Variants in RAPGEF2 observed in about 807,000 individuals in gnomAD.
RAPGEF2 encodes PDZ domain containing guanine nucleotide exchange factor (GEF) 1.
In RAPGEF2, 54 loss-of-function variants were observed where a neutral mutation model predicts 186.7. That is an observed-to-expected ratio of 0.29 (90% CI 0.23 to 0.36). The LOEUF (loss-of-function observed/expected upper bound fraction) is 0.36. Ranked by LOEUF, RAPGEF2 falls within the 10% of genes least tolerant of loss-of-function variation. RAPGEF2 has a pLI of 1.00. For missense variants in RAPGEF2, 1,532 were observed against 2,045.0 expected, an observed-to-expected ratio of 0.75 and a Z score of 4.84; for synonymous variants, 712 against 705.9, an observed-to-expected ratio of 1.01 and a Z score of -0.14.
intron 1 of RAPGEF2, among the ~76,000 whole-genome samples, chr4:159,166,241 G>A (rs944177203): frequency 2.6e-5 from 4 of 152,080 alleles, no homozygotes; most frequent in Non-Finnish European, 5.9e-5. Flanking sequence ...TTGAACCCAG[G>A]AGGCGGAGGT....
chr4:159,339,388 C>A (rs771683892), intron 19 of RAPGEF2, 34 bp downstream of exon 19: 2 of 1,590,456 alleles, frequency 1.3e-6, no homozygotes, highest in Admixed American at 3.4e-5. Flanking sequence ...ATTTCTTTGT[C>A]CCCTCTTCGA....
intron 1 of RAPGEF2, among the ~76,000 whole-genome samples, chr4:159,149,058 C>G: frequency 6.6e-6 from 1 of 152,022 alleles, no homozygotes; most frequent in East Asian, 1.9e-4. Flanking sequence ...TATATGTTTC[C>G]CAAAATCAAT....
At chr4:159,297,664 C>T (rs533999861) in intron 7 of RAPGEF2, among the ~76,000 whole-genome samples, 28 of 151,520 alleles carry the variant, frequency 1.8e-4, no homozygotes, top group Non-Finnish European at 3.2e-4. Flanking sequence ...AAGTGAACTA[C>T]CATAATGGTA....
intron 1 of RAPGEF2, among the ~76,000 whole-genome samples, chr4:159,124,435 A>G (rs1181087717): frequency 3.9e-5 from 6 of 152,174 alleles, no homozygotes; most frequent in Non-Finnish European, 8.8e-5. Context: ...GCTACTCGGG[A>G]AGCTGAGGCA....
At chr4:159,119,926 G>A (rs1739473306) in intron 1 of RAPGEF2, among the ~76,000 whole-genome samples, 1 of 152,122 alleles carries the variant, frequency 6.6e-6, no homozygotes, top group African/African-American at 2.4e-5. Context: ...TGCTCCAATT[G>A]TATGTACTGA....
At chr4:159,104,523 A>AGAGAGAGAGG (rs1255733124) in intron 1 of RAPGEF2, among the ~76,000 whole-genome samples, 2 of 122,860 alleles carry the variant, frequency 1.6e-5, no homozygotes, top group South Asian at 2.5e-4. Context: ...AGAGAGAGAG[A>AGAGAGAGAGG]GAGGGAGAGA....
At chr4:159,112,957 G>A (rs1219650131) in intron 1 of RAPGEF2, among the ~76,000 whole-genome samples, 1 of 152,144 alleles carries the variant, frequency 6.6e-6, no homozygotes, top group Non-Finnish European at 1.5e-5. Context: ...AACATCATGT[G>A]TCTGCTGATA....
At chr4:159,311,823 A>G (rs1299285532) in intron 8 of RAPGEF2, among the ~76,000 whole-genome samples, 3 of 152,174 alleles carry the variant, frequency 2.0e-5, no homozygotes, top group Non-Finnish European at 4.4e-5. Context: ...AGGTCCCTGA[A>G]AAGTTGTTTA....
At chr4:159,163,803 G>A (rs1744973259) in intron 1 of RAPGEF2, among the ~76,000 whole-genome samples, 4 of 152,018 alleles carry the variant, frequency 2.6e-5, no homozygotes, top group Admixed American at 2.6e-4. Flanking sequence ...AAAGATGAAA[G>A]GATCTGAAAA....
At chr4:159,104,628 C>CCT (rs1457712198) in intron 1 of RAPGEF2, among the ~76,000 whole-genome samples, 1 of 151,800 alleles carries the variant, frequency 6.6e-6, no homozygotes, top group Admixed American at 6.6e-5. Flanking sequence ...CCCTCCGTGG[C>CCT]CTCTGAATCT....
chr4:159,302,584 G>A (rs1762805429), intron 7 of RAPGEF2, among the ~76,000 whole-genome samples: 1 of 152,022 alleles, frequency 6.6e-6, no homozygotes. Context: ...TCACCATTTA[G>A]CTATGTGTAA....
At chr4:159,266,886 T>C (rs1757500849) in intron 7 of RAPGEF2, 1 of 181,442 alleles carries the variant, frequency 5.5e-6, no homozygotes, top group South Asian at 1.3e-4. Flanking sequence ...TCAGTGATAT[T>C]ATTTGGAGTC....
At position 159,355,982 on chromosome 4, in the gene RAPGEF2, A is replaced by G. The variant is rs1731939464; in HGVS notation, c.4781A>G (p.Gln1594Arg). ...CCGCCGGACTACAACGTGGCCCTTCAGAGATCGCGGATGGTCGCACGATCC... is the reference window on the plus strand; with the variant it reads ...CCGCCGGACTACAACGTGGCCCTTCGGAGATCGCGGATGGTCGCACGATCC... ...RKPPDYNVAL[Q>R]RSRMVARSSD... The change falls in exon 29 of 30, where the codon CAG (glutamine) becomes CGG (arginine). Residue 1594 changes from glutamine to arginine, a missense_variant. Physicochemically the swap from Gln to Arg is conservative, Grantham distance 43. Around this residue, in one of 4 missense-constraint regions of RAPGEF2, gnomAD observed 594 missense variants for 608.5 expected, o/e 0.98. Coordinates refer to ENST00000691494, the MANE Select transcript of RAPGEF2 (RefSeq NM_001394067.2). The G allele has an allele frequency of 6.2e-7, 1 of 1,611,628 alleles. No homozygotes were observed.
intron 11 of RAPGEF2, chr4:159,327,899 A>G (rs958060631): frequency 2.7e-5 from 4 of 150,628 alleles, no homozygotes; most frequent in African/African-American, 7.3e-5. Flanking sequence ...CCAGCTTGCT[A>G]TAGAATAAAT....
intron 1 of RAPGEF2, among the ~76,000 whole-genome samples, chr4:159,108,541 C>CT (rs1738151295): frequency 1.3e-5 from 2 of 152,130 alleles, no homozygotes; most frequent in South Asian, 4.1e-4. Context: ...TATTCTAAAG[C>CT]TCAGTTTTGA....
chr4:159,251,883 C>T (rs144729396), intron 7 of RAPGEF2, among the ~76,000 whole-genome samples: 1 of 151,644 alleles, frequency 6.6e-6, no homozygotes, highest in African/African-American at 2.4e-5. Context: ...GTTTCCACAG[C>T]GTGGAGTAAA....
intron 4 of RAPGEF2, among the ~76,000 whole-genome samples, chr4:159,213,177 C>A (rs779910139): frequency 5.9e-5 from 9 of 152,132 alleles, no homozygotes; most frequent in Non-Finnish European, 1.2e-4. Context: ...TTGCTTGTTT[C>A]CTTTGGGGAT....
At chr4:159,316,447 C>G (rs1764616670) in intron 9 of RAPGEF2, among the ~76,000 whole-genome samples, 1 of 152,094 alleles carries the variant, frequency 6.6e-6, no homozygotes, top group South Asian at 2.1e-4. Flanking sequence ...GGTAATTTTT[C>G]CTGAACTTCC....
intron 8 of RAPGEF2, among the ~76,000 whole-genome samples, chr4:159,308,684 A>G (rs1763597378): frequency 6.6e-6 from 1 of 152,204 alleles, no homozygotes; most frequent in African/African-American, 2.4e-5. Flanking sequence ...TGGATAGAAT[A>G]ATGTTGCTGA....
Sources: allele counts gnomAD v4.1 joint callset (sites outside exome capture counted in the v4.1 genomes callset), GRCh38; gene constraint gnomAD v4.1.1; regional missense constraint gnomAD v4.1.1; transcripts MANE v1.5; gene names NCBI Gene and HGNC (gene_info 2026-07-23, HGNC 2026-07-21).